The following TRIO variants were observed in gnomAD, a reference collection of about 807,000 sequenced individuals.
TRIO encodes the protein triple functional domain protein.
A neutral mutation model predicts 351.9 loss-of-function variants in TRIO; 58 were observed. The observed-to-expected ratio is 0.16, with a 90% CI of 0.13 to 0.21. TRIO has a LOEUF of 0.21. TRIO is among the 10% of genes least tolerant of loss of function. The pLI is 1.00. For missense variants in TRIO, 3,201 were observed against 4,027.8 expected (o/e 0.79, Z 5.56); for synonymous variants, 1,758 against 1,595.7 (o/e 1.10, Z -2.42).
intron 3 of TRIO, among the ~76,000 whole-genome samples, chr5:14,282,848 A>T (rs1216755749): frequency 6.6e-6 from 1 of 152,184 alleles, no homozygotes; most frequent in Non-Finnish European, 1.5e-5. Flanking sequence ...GTCCCAAGTG[A>T]CAAGAAATGC....
At chr5:14,148,596 A>G (rs1462049382) in intron 1 of TRIO, among the ~76,000 whole-genome samples, 1 of 152,094 alleles carries the variant, frequency 6.6e-6, no homozygotes, top group East Asian at 1.9e-4. Context: ...ATTGGCTTTT[A>G]TTTCCTTAAG....
At chr5:14,457,762 G>T (rs1203026330) in intron 34 of TRIO, among the ~76,000 whole-genome samples, 1 of 152,072 alleles carries the variant, frequency 6.6e-6, no homozygotes, top group African/African-American at 2.4e-5. Context: ...CTGCGTCCCT[G>T]CCTGCCCTGC....
chr5:14,485,969 CAA>C (rs1755885700), intron 47 of TRIO, among the ~76,000 whole-genome samples: 1 of 150,984 alleles, frequency 6.6e-6, no homozygotes, highest in South Asian at 2.1e-4. Flanking sequence ...GCCTGGGCAA[CAA>C]GAGTGAAACT....
intron 33 of TRIO, among the ~76,000 whole-genome samples, chr5:14,407,487 A>G (rs745565774): frequency 6.6e-6 from 1 of 152,238 alleles, no homozygotes; most frequent in Non-Finnish European, 1.5e-5. Flanking sequence ...CTCTGGGTTC[A>G]TAGTGATGCC....
intron 34 of TRIO, among the ~76,000 whole-genome samples, chr5:14,423,917 C>T (rs940904139): frequency 6.7e-6 from 1 of 149,654 alleles, no homozygotes; most frequent in African/African-American, 2.5e-5. Flanking sequence ...CTCTCAGACC[C>T]CATGGAATTT....
rs1561579323 is a variant in TRIO, at chr5:14,509,368, CT to C, written c.*949del. On this transcript the variant is annotated 3_prime_UTR_variant, in exon 57 of 57. Transcript: ENST00000344204. ...AAAAGCACATACTTCGTATGGTGAG[CT>C]TTATGGTTTTGTGTGTGTGTTGGGG... The C allele has an allele frequency of 2.7e-6, 1 of 368,164 alleles. No homozygotes were observed. The highest frequency in any genetic ancestry group is 1.8e-5 in the South Asian group (1 of 56,084). 22.8% of individuals were successfully genotyped at this position (368,164 alleles called of 1,614,324 possible).
At chr5:14,188,482 T>C (rs1790260165) in intron 1 of TRIO, among the ~76,000 whole-genome samples, 1 of 152,216 alleles carries the variant, frequency 6.6e-6, no homozygotes, top group African/African-American at 2.4e-5. Flanking sequence ...ATAGTAGACA[T>C]GAGTATAATT....
chr5:14,426,840 G>C (rs191987534), intron 34 of TRIO, among the ~76,000 whole-genome samples: 64 of 152,284 alleles, frequency 4.2e-4, no homozygotes, highest in African/African-American at 1.5e-3. Flanking sequence ...CAGTTCATTT[G>C]TAATCTTGTT....
intron 2 of TRIO, among the ~76,000 whole-genome samples, chr5:14,273,069 C>T (rs572614645): frequency 6.6e-6 from 1 of 152,140 alleles, no homozygotes; most frequent in Non-Finnish European, 1.5e-5. Context: ...TTCATCACCT[C>T]CCAGGAACCC....
intron 34 of TRIO, among the ~76,000 whole-genome samples, chr5:14,423,629 C>T (rs1487848645): frequency 6.6e-6 from 1 of 152,112 alleles, no homozygotes; most frequent in East Asian, 1.9e-4. Flanking sequence ...CCAGTGTGAT[C>T]GGAAGGAAAA....
intron 1 of TRIO, among the ~76,000 whole-genome samples, chr5:14,168,263 C>T (rs1788893731): frequency 6.6e-6 from 1 of 152,208 alleles, no homozygotes; most frequent in Non-Finnish European, 1.5e-5. Context: ...CTGGATATGC[C>T]ACGTGTTTAA....
At chr5:14,320,409 C>T (rs1253289524) in intron 9 of TRIO, among the ~76,000 whole-genome samples, 1 of 152,100 alleles carries the variant, frequency 6.6e-6, no homozygotes, top group Non-Finnish European at 1.5e-5. Context: ...ATGTCAGGAG[C>T]AGTGAGTGGC....
intron 1 of TRIO, among the ~76,000 whole-genome samples, chr5:14,151,974 G>A (rs916644350): frequency 2.6e-5 from 4 of 152,078 alleles, no homozygotes; most frequent in Non-Finnish European, 5.9e-5. Context: ...GATAAGGACC[G>A]AGAGCTACAA....
In TRIO at chr5:14,387,498, C is replaced by T; in HGVS notation, c.3631C>T (p.His1211Tyr). The T allele has an allele frequency of 1.2e-6, 2 of 1,614,094 alleles. No individual in the cohort carries two copies. Among genetic ancestry groups the T allele is most frequent in the Non-Finnish European group, 1.7e-6 (2 of 1,179,994 alleles). The change falls in exon 22 of 57, where the codon CAT (histidine) becomes TAT (tyrosine). Residue 1211 changes from histidine (H) to tyrosine (Y), a missense_variant. Transcript: ENST00000344204. The stretch of plus-strand genomic sequence containing the variant: ...GGCTGATGGCTTTTGTGAAAAAGGG[C>T]ATGCCCATGCGGCAGAGATAAAAAA... ...QLADGFCEKG[H>Y]AHAAEIKKCV...
In TRIO at chr5:14,487,502, G is replaced by T; in HGVS notation, c.6874G>T (p.Gly2292Trp). The change falls in exon 48 of 57, where the codon GGG becomes TGG. Residue 2292 changes from glycine to tryptophan, a missense_variant. By Grantham distance (184) the Gly-to-Trp change is radical. Transcript: ENST00000344204. The stretch of plus-strand genomic sequence containing the variant: ...AATCGAGTACCAGAGGAACCACAGC[G>T]GGGGCGGCGGCGGCGGCGGCAGCGG... ...SPIEYQRNHSGGGGGGGSGGS... is the reference protein window; with the variant it reads ...SPIEYQRNHSWGGGGGGSGGS... The T allele has an allele frequency of 9.2e-7, 1 of 1,090,108 alleles. No homozygotes were observed. Among genetic ancestry groups the T allele is most frequent in the Non-Finnish European group, 1.1e-6 (1 of 881,332 alleles). The allele number at this position is 1,090,108 out of a possible 1,614,324, so 67.5% of individuals were successfully genotyped here. A position where few individuals can be genotyped will look rare whatever the true frequency, so the allele number is the denominator to read the frequency against.
chr5:14,160,814 TC>T (rs1209925379), intron 1 of TRIO, among the ~76,000 whole-genome samples: 2 of 152,214 alleles, frequency 1.3e-5, no homozygotes, highest in Non-Finnish European at 2.9e-5. Flanking sequence ...CAGATCTCCT[TC>T]CCGACTCGTC....
chr5:14,285,022 T>G (rs531966167), intron 3 of TRIO, among the ~76,000 whole-genome samples: 1 of 152,232 alleles, frequency 6.6e-6, no homozygotes, highest in East Asian at 1.9e-4. Flanking sequence ...CAAGGAAGTC[T>G]AGAATGCTTA....
At chr5:14,421,795 C>CT (rs1262976656) in intron 34 of TRIO, among the ~76,000 whole-genome samples, 2 of 152,080 alleles carry the variant, frequency 1.3e-5, no homozygotes, top group Admixed American at 1.3e-4. Flanking sequence ...ACCAGAATCT[C>CT]TGTCTAGGAG....
In TRIO at chr5:14,508,233, C is replaced by CGCCAAGCG; in HGVS notation, c.9106_9113dup (p.Ala3041ValfsTer29). ...TGTGCTTCCTCCTGCAGGAGGACCC[C>CGCCAAGCG]GCCAAGCGTCCCTCGGCTGCGCTGG... is the stretch of plus-strand genomic sequence containing the variant. On this transcript the variant is annotated frameshift_variant, in exon 57 of 57. Coordinates refer to ENST00000344204, the MANE Select transcript of TRIO (RefSeq NM_007118.4). LOFTEE classifies it high-confidence loss of function. 1 of 1,614,084 alleles carries CGCCAAGCG rather than the reference C, an allele frequency of 6.2e-7. No individual in the cohort carries two copies. Among genetic ancestry groups the CGCCAAGCG allele is most frequent in the African/African-American group, 1.3e-5 (1 of 75,066 alleles).
Sources: allele counts gnomAD v4.1 joint callset (sites outside exome capture counted in the v4.1 genomes callset), GRCh38; gene constraint gnomAD v4.1.1; transcripts MANE v1.5; gene names NCBI Gene and HGNC (gene_info 2026-07-23, HGNC 2026-07-21).